Variants in ADD2 observed in about 807,000 individuals in gnomAD.
The protein encoded by ADD2 is beta-adducin.
ADD2 carries 23 observed loss-of-function variants against 83.0 expected under a neutral mutation model. The ratio of observed to expected loss-of-function variants is 0.28; its 90% CI spans 0.20 to 0.39. ADD2 has a LOEUF of 0.39. Among genes scored for constraint, ADD2 ranks in the 10% least tolerant of loss-of-function variants. ADD2 has a pLI of 1.00. For synonymous variants in ADD2, 375 were observed against 375.4 expected (o/e 1.00, Z 0.01); for missense variants, 758 against 944.9 (o/e 0.80, Z 2.59).
intron 1 of ADD2, among the ~76,000 whole-genome samples, chr2:70,722,764 C>G (rs1672794092): frequency 6.6e-6 from 1 of 152,182 alleles, no homozygotes; most frequent in Admixed American, 6.5e-5. Flanking sequence ...TGTCATAAGG[C>G]AAGACCAGAC....
chr2:70,689,061 G>A (rs1553371044), intron 8 of ADD2, among the ~76,000 whole-genome samples: 1 of 151,980 alleles, frequency 6.6e-6, no homozygotes, highest in Non-Finnish European at 1.5e-5. Context: ...TCGCACCATT[G>A]TACCCCAGTC....
At position 70,706,194 on chromosome 2, in the gene ADD2, C is replaced by T. The variant is rs73939913; in HGVS notation, c.183+32G>A. The T allele has an allele frequency of 5.2e-3, 8,351 of 1,605,402 alleles. 372 individuals carry two copies. The African/African-American group carries it at 0.099, about 19-fold the overall frequency. On this transcript the variant is annotated intron_variant, in intron 3 of 15. Transcript: ENST00000264436. The surrounding 1 kb of genome is among the most constrained non-coding windows in gnomAD (Gnocchi z 5.0). Reference sequence around the variant, plus strand: ...CGTCCTGAAGAGCCAGCGCCCCCTGCGCCCTCTCCCGCCCGGGTCAGCCCC... The same window carrying T: ...CGTCCTGAAGAGCCAGCGCCCCCTGTGCCCTCTCCCGCCCGGGTCAGCCCC...
chr2:70,729,823 C>A (rs782557360), intron 1 of ADD2, among the ~76,000 whole-genome samples: 8 of 152,144 alleles, frequency 5.3e-5, no homozygotes, highest in Admixed American at 3.9e-4. Context: ...CTAGAGTAGA[C>A]CAGACTGTGA....
intron 1 of ADD2, among the ~76,000 whole-genome samples, chr2:70,764,639 C>T (rs1553385651): frequency 6.6e-6 from 1 of 151,934 alleles, no homozygotes; most frequent in African/African-American, 2.4e-5. Flanking sequence ...CTGGAATAGG[C>T]CAGGCATAGT....
intron 1 of ADD2, among the ~76,000 whole-genome samples, chr2:70,750,382 C>G (rs1422823330): frequency 6.6e-6 from 1 of 152,162 alleles, no homozygotes; most frequent in Non-Finnish European, 1.5e-5. Flanking sequence ...TGAATTTGTC[C>G]TTATTTAGAA....
chr2:70,754,909 T>A (rs1423733086), intron 1 of ADD2, among the ~76,000 whole-genome samples: 1 of 152,130 alleles, frequency 6.6e-6, no homozygotes, highest in Non-Finnish European at 1.5e-5. Flanking sequence ...TATCTCCAAC[T>A]CTACTTTTCC....
rs1675500305 is a variant in ADD2, at chr2:70,660,402, C to A, written c.*3023G>T. The A allele has an allele frequency of 6.6e-6, 1 of 152,344 alleles. No individual in the cohort carries two copies. The allele number at this position is 152,344 out of a possible 1,614,324, so 9.4% of individuals were successfully genotyped here. ...AACATCGTGTAAAGCAGGCCATCAA[C>A]TATGTTTTAGTATTGACATTTCAAA... On this transcript the variant is annotated 3_prime_UTR_variant, in exon 16 of 16. Coordinates refer to ENST00000264436, the MANE Select transcript of ADD2 (RefSeq NM_001617.4).
At chr2:70,709,426 C>T (rs1264110188) in intron 2 of ADD2, among the ~76,000 whole-genome samples, 1 of 152,158 alleles carries the variant, frequency 6.6e-6, no homozygotes, top group Non-Finnish European at 1.5e-5. Flanking sequence ...AATCCAGACC[C>T]TTTCCTTTCA....
intron 5 of ADD2, 93 bp from the exon 6 acceptor site, chr2:70,695,894 T>G (rs1302199281): frequency 9.3e-6 from 10 of 1,078,056 alleles, no homozygotes; most frequent in Non-Finnish European, 1.2e-5. Flanking sequence ...CTGAATCTAC[T>G]GCACCCAAGT....
At chr2:70,677,107 A>G (rs560412588) in intron 12 of ADD2, among the ~76,000 whole-genome samples, 39 of 152,252 alleles carry the variant, frequency 2.6e-4, no homozygotes, top group African/African-American at 9.2e-4. Context: ...ATGAAACCAG[A>G]AGGAGCTGTA....
intron 1 of ADD2, among the ~76,000 whole-genome samples, chr2:70,727,616 C>T (rs1300452058): frequency 6.6e-6 from 1 of 152,096 alleles, no homozygotes; most frequent in Non-Finnish European, 1.5e-5. Context: ...CAGAATTGGC[C>T]AGGCGCGGTG....
At chr2:70,733,810 A>G (rs558972146) in intron 1 of ADD2, among the ~76,000 whole-genome samples, 1 of 152,342 alleles carries the variant, frequency 6.6e-6, no homozygotes, top group East Asian at 1.9e-4. Context: ...TATTGTTAAT[A>G]ATACAGTAAG....
At chr2:70,670,464 G>A (rs1335518825) in intron 15 of ADD2, among the ~76,000 whole-genome samples, 8 of 152,214 alleles carry the variant, frequency 5.3e-5, no homozygotes, top group Non-Finnish European at 7.3e-5. Context: ...TGCCCTGAGG[G>A]TTCAGCAGAG....
At chr2:70,713,247 T>C in intron 1 of ADD2, 63 bp from the exon 2 acceptor site, 1 of 665,318 alleles carries the variant, frequency 1.5e-6, no homozygotes, top group African/African-American at 2.0e-5. Context: ...ACCTGATTTA[T>C]AAGAGCTTCT....
chr2:70,732,724 C>T (rs1283132909), intron 1 of ADD2, among the ~76,000 whole-genome samples: 6 of 152,172 alleles, frequency 3.9e-5, no homozygotes, highest in African/African-American at 1.4e-4. Flanking sequence ...AAAGTCTCCT[C>T]TGAACCAAGC....
rs577579988 is a variant in ADD2 at position 70,677,480 on chromosome 2, G to A, written c.1503+278C>T. Among the ~76,000 whole-genome samples, 3 of 152,300 alleles carry A rather than the reference G, an allele frequency of 2.0e-5. 1 individual carries two copies. In the East Asian group the frequency reaches 5.8e-4, roughly 29 times the overall value. ...ATTGCCAATAAGCCAAAAGGAAAAT[G>A]GTATAAAATTTATTAAAACTCATTT... On this transcript the variant is annotated intron_variant, in intron 12 of 15. Coordinates refer to ENST00000264436, the MANE Select transcript of ADD2 (RefSeq NM_001617.4).
intron 4 of ADD2, among the ~76,000 whole-genome samples, chr2:70,703,251 A>G (rs782818340): frequency 1.3e-5 from 2 of 152,190 alleles, no homozygotes; most frequent in Non-Finnish European, 2.9e-5. Context: ...AGAGAAAGGA[A>G]GAAAATCATG....
At chr2:70,693,486 C>G (rs1553372081) in intron 6 of ADD2, among the ~76,000 whole-genome samples, 1 of 152,174 alleles carries the variant, frequency 6.6e-6, no homozygotes, top group Non-Finnish European at 1.5e-5. Flanking sequence ...AAAGTCCAGG[C>G]AGACAAGATG....
In ADD2 at chr2:70,661,059, G is replaced by A. The variant is rs1414373914; in HGVS notation, c.*2366C>T. On this transcript the variant is annotated 3_prime_UTR_variant, in exon 16 of 16. Transcript: ENST00000264436. ...ATCTATCAATAGAAAGTGGGCCCAT[G>A]GCATAAATTCCCAGAATAATGCTGC... The A allele has an allele frequency of 2.0e-5, 3 of 152,136 alleles. No individual in the cohort carries two copies. Among genetic ancestry groups the A allele is most frequent in the Non-Finnish European group, 4.4e-5 (3 of 68,028 alleles). The allele number at this position is 152,136 out of a possible 1,614,324, so 9.4% of individuals were successfully genotyped here.
Sources: gnomAD v4.1 joint callset for allele counts (sites outside exome capture counted in the v4.1 genomes callset) on GRCh38, gnomAD v4.1.1 for gene constraint, Gnocchi (gnomAD v3.1) non-coding constraint, MANE v1.5 for transcripts, NCBI Gene and HGNC (gene_info 2026-07-23, HGNC 2026-07-21) for gene names.